Variants in NRG1 observed in about 807,000 individuals in gnomAD.
The protein encoded by NRG1 is pro-neuregulin-1, membrane-bound isoform.
In NRG1, 18 loss-of-function variants were observed where a neutral mutation model predicts 63.8. That is an observed-to-expected ratio of 0.28 (90% CI 0.19 to 0.42). NRG1 has a LOEUF of 0.42. Ranked by LOEUF, NRG1 falls within the 10% of genes least tolerant of loss-of-function variation. NRG1 has a pLI of 1.00. For missense variants in NRG1, 762 were observed against 814.7 expected, an observed-to-expected ratio of 0.94 and a Z score of 0.79; for synonymous variants, 302 against 301.3, an observed-to-expected ratio of 1.00 and a Z score of -0.02.
At chr8:32,765,177 A>G (rs1831328201) in exon 12 of NRG1, 1 of 152,060 alleles carries the variant, frequency 6.6e-6, no homozygotes, top group Non-Finnish European at 1.5e-5. Flanking sequence ...ATCAGGGTAA[A>G]TCTAACACCT....
chr8:31,646,197 G>A (rs557578703), intron 1 of NRG1, among the ~76,000 whole-genome samples: 72 of 152,336 alleles, frequency 4.7e-4, no homozygotes, highest in Admixed American at 1.0e-3. Flanking sequence ...TCTCTCCAAA[G>A]CCCAAGGCTC....
intron 1 of NRG1, chr8:32,171,512 T>C (rs1444939936): frequency 6.6e-6 from 1 of 152,318 alleles, no homozygotes; most frequent in Admixed American, 6.5e-5. Flanking sequence ...GGACAGTGGG[T>C]GCAGCGCACC....
intron 1 of NRG1, among the ~76,000 whole-genome samples, chr8:32,312,329 A>AGT (rs1856913093): frequency 1.2e-4 from 5 of 40,828 alleles, no homozygotes; most frequent in African/African-American, 3.0e-4. Flanking sequence ...ATGCCCAGCT[A>AGT]ATTTTTTTTT....
chr8:32,412,453 C>CATATATATATATATGTAT (rs1815206795), intron 1 of NRG1, among the ~76,000 whole-genome samples: 4 of 76,752 alleles, frequency 5.2e-5, no homozygotes, highest in African/African-American at 2.0e-4. Context: ...TATATATATA[C>CATATATATATATATGTAT]ATATATATAT....
intron 8 of NRG1, among the ~76,000 whole-genome samples, chr8:32,754,754 T>G (rs953145726): frequency 2.6e-5 from 4 of 151,988 alleles, no homozygotes; most frequent in Non-Finnish European, 5.9e-5. Context: ...AAGGTATGTG[T>G]GTGGGTGGGA....
chr8:32,403,059 G>A (rs1313163129), intron 1 of NRG1, among the ~76,000 whole-genome samples: 1 of 151,732 alleles, frequency 6.6e-6, no homozygotes, highest in Non-Finnish European at 1.5e-5. Flanking sequence ...AGCACTTTGG[G>A]AGGCCAAGAC....
At chr8:31,743,729 A>C in intron 1 of NRG1, among the ~76,000 whole-genome samples, 1 of 151,948 alleles carries the variant, frequency 6.6e-6, no homozygotes, top group East Asian at 1.9e-4. Flanking sequence ...CTTGCTTTAA[A>C]GCTCCAGCAG....
In NRG1 at chr8:31,746,925, A is replaced by G. The variant is rs932694126; in HGVS notation, c.37+107494A>G. Among the ~76,000 whole-genome samples the G allele has an allele frequency of 3.6e-4, 54 of 151,980 alleles. 1 individual carries two copies. Among genetic ancestry groups the G allele is most frequent in the African/African-American group, 1.3e-3 (53 of 41,420 alleles). ...CCAGGCACAGAAAGACAAATGTCAC[A>G]TGTTCTTACTTATTTGTGGAATCTT... On this transcript the variant is annotated intron_variant, in intron 1 of 10. Coordinates refer to the NRG1 transcript ENST00000519301.
rs567453952 is a variant in NRG1 at position 31,844,314 on chromosome 8, A to G, written c.37+204883A>G. ...CAGCCTTGCCAGTTCGGAATCCCCT[A>G]GAACCACCCTCCATGCATGTCATGG... On this transcript the variant is annotated intron_variant, in intron 1 of 10. Coordinates refer to the NRG1 transcript ENST00000519301. 3.9e-5 allele frequency among the ~76,000 whole-genome samples: 6 copies of G among 152,326 alleles called. No individual in the cohort carries two copies. The South Asian group carries it at 1.2e-3, about 32-fold the overall frequency.
intron 1 of NRG1, among the ~76,000 whole-genome samples, chr8:32,557,325 G>A (rs1835384143): frequency 6.6e-6 from 1 of 152,132 alleles, no homozygotes; most frequent in Non-Finnish European, 1.5e-5. Context: ...TTGTTTTTGT[G>A]TGTACGTATC....
intron 1 of NRG1, among the ~76,000 whole-genome samples, chr8:32,386,600 A>G (rs943263390): frequency 4.6e-5 from 7 of 152,164 alleles, no homozygotes; most frequent in African/African-American, 1.2e-4. Flanking sequence ...GGACAAACCT[A>G]TGTCCTCATG....
intron 5 of NRG1, among the ~76,000 whole-genome samples, chr8:32,702,149 A>G (rs1236193020): frequency 6.6e-6 from 1 of 152,210 alleles, no homozygotes; most frequent in Admixed American, 6.5e-5. Flanking sequence ...CAACAAAAAA[A>G]ATCGATAGGA....
intron 1 of NRG1, among the ~76,000 whole-genome samples, chr8:32,352,979 G>A (rs7004142): frequency 2.1e-5 from 3 of 142,110 alleles, no homozygotes; most frequent in Non-Finnish European, 3.1e-5. Flanking sequence ...GAGAGAGACA[G>A]AGAGAGAGTA....
chr8:32,242,950 G>A (rs186482079), intron 1 of NRG1, among the ~76,000 whole-genome samples: 28 of 152,206 alleles, frequency 1.8e-4, no homozygotes, highest in Middle Eastern at 3.4e-3. Context: ...CAGTTCTGGC[G>A]TCAAAAAGTC....
intron 1 of NRG1, among the ~76,000 whole-genome samples, chr8:32,159,529 A>C (rs1023086655): frequency 7.0e-6 from 1 of 142,102 alleles, no homozygotes; most frequent in Non-Finnish European, 1.5e-5. Context: ...CGACAGAGCG[A>C]GACTCCGTCT....
intron 1 of NRG1, among the ~76,000 whole-genome samples, chr8:31,985,717 T>A (rs1223794115): frequency 6.6e-6 from 1 of 152,138 alleles, no homozygotes; most frequent in African/African-American, 2.4e-5. Flanking sequence ...ATGTTTCTAC[T>A]ACATTAAAAT....
intron 1 of NRG1, among the ~76,000 whole-genome samples, chr8:32,306,200 C>G (rs939258315): frequency 1.3e-5 from 2 of 152,146 alleles, no homozygotes; most frequent in Non-Finnish European, 2.9e-5. Context: ...TTGTAAATGT[C>G]TGTCACCAAT....
intron 1 of NRG1, among the ~76,000 whole-genome samples, chr8:32,181,412 T>A (rs1841418056): frequency 6.6e-6 from 1 of 152,242 alleles, no homozygotes; most frequent in Non-Finnish European, 1.5e-5. Context: ...TTTGTAAATA[T>A]CTCTATACTT....
intron 1 of NRG1, among the ~76,000 whole-genome samples, chr8:32,580,631 C>A (rs548609573): frequency 6.6e-6 from 1 of 152,166 alleles, no homozygotes; most frequent in African/African-American, 2.4e-5. Flanking sequence ...CAAGGTCAAA[C>A]AACTAGCATA....
Sources: gnomAD v4.1 joint callset for allele counts (sites outside exome capture counted in the v4.1 genomes callset) on GRCh38, gnomAD v4.1.1 for gene constraint, MANE v1.5 for transcripts, NCBI Gene and HGNC (gene_info 2026-07-23, HGNC 2026-07-21) for gene names.